PDE4B: variants seen among roughly 807,000 people sequenced by gnomAD.
PDE4B encodes the protein 3',5'-cyclic-AMP phosphodiesterase 4B.
PDE4B carries 20 observed loss-of-function variants against 82.2 expected under a neutral mutation model. That is an observed-to-expected ratio of 0.24 (90% CI 0.17 to 0.35). PDE4B has a LOEUF of 0.35. Among genes scored for constraint, PDE4B ranks in the 10% least tolerant of loss-of-function variants. The pLI is 1.00. For missense variants in PDE4B, 655 were observed against 907.2 expected (o/e 0.72, Z 3.57); for synonymous variants, 320 against 318.9 (o/e 1.00, Z -0.04).
chr1:66,146,441 C>G (rs988611064), intron 3 of PDE4B, among the ~76,000 whole-genome samples: 1 of 152,100 alleles, frequency 6.6e-6, no homozygotes, highest in Non-Finnish European at 1.5e-5. Flanking sequence ...ATCTCGGCCT[C>G]CCAAAGTGCT....
chr1:66,272,230 C>A (rs1042917693), intron 7 of PDE4B, among the ~76,000 whole-genome samples: 1 of 152,206 alleles, frequency 6.6e-6, no homozygotes, highest in Admixed American at 6.5e-5. Context: ...GCTCTATTTA[C>A]CTGCACAGCC....
chr1:66,164,755 CTTTTTTTT>C (rs145224852), intron 3 of PDE4B, among the ~76,000 whole-genome samples: 1 of 87,874 alleles, frequency 1.1e-5, no homozygotes, highest in Non-Finnish European at 2.1e-5. Context: ...CTTTTCTTTT[CTTTTTTTT>C]TTTTTTTTTT....
chr1:65,930,242 A>C (rs995434204), intron 3 of PDE4B, among the ~76,000 whole-genome samples: 1 of 152,198 alleles, frequency 6.6e-6, no homozygotes, highest in African/African-American at 2.4e-5. Context: ...CACCAGATTA[A>C]GGGTGAATCC....
At chr1:65,973,025 A>C (rs2489914) in intron 3 of PDE4B, among the ~76,000 whole-genome samples, 1 of 152,156 alleles carries the variant, frequency 6.6e-6, no homozygotes, top group Non-Finnish European at 1.5e-5. Flanking sequence ...AAATCTATCC[A>C]TTCTGTTTGT....
At chr1:66,159,829 C>A (rs1005944497) in intron 3 of PDE4B, among the ~76,000 whole-genome samples, 1 of 152,172 alleles carries the variant, frequency 6.6e-6, no homozygotes, top group Non-Finnish European at 1.5e-5. Flanking sequence ...GAGAATAGAG[C>A]AGCTGCCATT....
intron 3 of PDE4B, among the ~76,000 whole-genome samples, chr1:65,933,536 T>C (rs1290891931): frequency 1.3e-5 from 2 of 151,890 alleles, no homozygotes; most frequent in African/African-American, 4.8e-5. Context: ...CTACTAAAGA[T>C]ACAAAAAATT....
intron 4 of PDE4B, among the ~76,000 whole-genome samples, chr1:66,255,033 C>CT (rs1004553906): frequency 2.0e-5 from 3 of 151,586 alleles, no homozygotes; most frequent in Admixed American, 2.0e-4. Context: ...TTTCTCTTTT[C>CT]TTTTCTTTTC....
At chr1:66,212,546 G>A (rs1485735591) in intron 3 of PDE4B, among the ~76,000 whole-genome samples, 1 of 150,232 alleles carries the variant, frequency 6.7e-6, no homozygotes, top group African/African-American at 2.5e-5. Context: ...TTACTTTTTT[G>A]TAAAAGTAAA....
chr1:66,098,398 C>CA (rs998386810), intron 3 of PDE4B, among the ~76,000 whole-genome samples: 1 of 152,176 alleles, frequency 6.6e-6, no homozygotes, highest in Admixed American at 6.6e-5. Flanking sequence ...TCATTGAACT[C>CA]ACCCTGCTTC....
chr1:66,294,215 T>TA (rs113619902), intron 7 of PDE4B, among the ~76,000 whole-genome samples: 66 of 148,578 alleles, frequency 4.4e-4, no homozygotes, highest in Non-Finnish European at 5.8e-4. Flanking sequence ...CAATTAAAAT[T>TA]AAAAAAAAAA....
intron 3 of PDE4B, among the ~76,000 whole-genome samples, chr1:66,101,821 A>C (rs1645231246): frequency 6.6e-6 from 1 of 152,050 alleles, no homozygotes; most frequent in Non-Finnish European, 1.5e-5. Context: ...TGCTGTGCAG[A>C]AGCTCTTTAG....
At chr1:66,244,843 T>C (rs915097702) in intron 3 of PDE4B, among the ~76,000 whole-genome samples, 3 of 152,292 alleles carry the variant, frequency 2.0e-5, no homozygotes, top group East Asian at 1.9e-4. Context: ...GGAGAGATCA[T>C]TGGAGTCAGG....
In PDE4B at chr1:65,831,777, C is replaced by T. The variant is rs182009808; in HGVS notation, c.-71+38529C>T. ...ATAAGATTCCTCAATAAAATATTAG[C>T]AAATCAAATTCAGCAATATGTAAGT... On this transcript the variant is annotated intron_variant, in intron 1 of 16. Coordinates refer to ENST00000341517, the MANE Select transcript of PDE4B (RefSeq NM_002600.4). Among the ~76,000 whole-genome samples the T allele has an allele frequency of 4.7e-3, 713 of 152,190 alleles. 9 individuals carry two copies. Among genetic ancestry groups the T allele is most frequent in the Non-Finnish European group, 6.3e-3 (425 of 67,966 alleles).
At chr1:66,202,868 G>A (rs1378362913) in intron 3 of PDE4B, among the ~76,000 whole-genome samples, 7 of 151,598 alleles carry the variant, frequency 4.6e-5, no homozygotes, top group Non-Finnish European at 8.8e-5. Context: ...ATATTGTTAT[G>A]TGTGAATTTG....
At chr1:66,252,899 A>G (rs1023038427) in intron 4 of PDE4B, among the ~76,000 whole-genome samples, 1 of 152,230 alleles carries the variant, frequency 6.6e-6, no homozygotes, top group African/African-American at 2.4e-5. Context: ...AGATTGTGCC[A>G]CTGCACTCCA....
intron 3 of PDE4B, among the ~76,000 whole-genome samples, chr1:66,117,342 C>G (rs1645616319): frequency 6.6e-6 from 1 of 152,044 alleles, no homozygotes; most frequent in African/African-American, 2.4e-5. Context: ...AAATTACTTC[C>G]CACCCTCTTC....
chr1:66,228,626 TAAA>T (rs77946467), intron 3 of PDE4B, among the ~76,000 whole-genome samples: 43 of 135,092 alleles, frequency 3.2e-4, no homozygotes, highest in Middle Eastern at 3.8e-3. Flanking sequence ...AAGACTCCGT[TAAA>T]AAAAAAAAAA....
At chr1:66,018,849 A>G (rs1652926792) in intron 3 of PDE4B, among the ~76,000 whole-genome samples, 1 of 152,226 alleles carries the variant, frequency 6.6e-6, no homozygotes, top group Admixed American at 6.5e-5. Context: ...CGTGTGTATT[A>G]TAATAATTAA....
intron 3 of PDE4B, among the ~76,000 whole-genome samples, chr1:65,969,269 A>G (rs1650008119): frequency 6.6e-6 from 1 of 152,166 alleles, no homozygotes; most frequent in Non-Finnish European, 1.5e-5. Context: ...GGTAAGTGCA[A>G]GAGAGCAAAA....
Sources: gnomAD v4.1 joint callset for allele counts (sites outside exome capture counted in the v4.1 genomes callset) on GRCh38, gnomAD v4.1.1 for gene constraint, MANE v1.5 for transcripts, NCBI Gene and HGNC (gene_info 2026-07-23, HGNC 2026-07-21) for gene names.